STRBP: variants seen among roughly 807,000 people sequenced by gnomAD.
STRBP encodes spermatid perinuclear RNA-binding protein.
In STRBP, 13 loss-of-function variants were observed where a neutral mutation model predicts 80.1. That is an observed-to-expected ratio of 0.16 (90% CI 0.11 to 0.26). The LOEUF is 0.26. Among genes scored for constraint, STRBP ranks in the 10% least tolerant of loss-of-function variants. The probability of loss-of-function intolerance (pLI) is 1.00; values close to 1 mark genes in which losing one functional copy is unlikely to be tolerated. For synonymous variants in STRBP, 284 were observed against 291.2 expected, an observed-to-expected ratio of 0.98 and a Z score of 0.25; for missense variants, 485 against 815.2, an observed-to-expected ratio of 0.59 and a Z score of 4.93.
intron 2 of STRBP, among the ~76,000 whole-genome samples, chr9:123,210,874 T>C (rs1375419273): frequency 6.6e-6 from 1 of 151,510 alleles, no homozygotes; most frequent in Non-Finnish European, 1.5e-5. Context: ...TGAAATACCA[T>C]TTTACATCTA....
intron 2 of STRBP, among the ~76,000 whole-genome samples, chr9:123,227,238 G>A (rs2132569347): frequency 6.6e-6 from 1 of 152,324 alleles, no homozygotes; most frequent in Non-Finnish European, 1.5e-5. Flanking sequence ...TGTAGGAGGA[G>A]CAAGTTACAT....
downstream of STRBP, among the ~76,000 whole-genome samples, chr9:123,120,015 T>C (rs904099821): frequency 2.0e-5 from 3 of 152,212 alleles, no homozygotes. Context: ...GGATATCTAT[T>C]CTTACAACCA....
chr9:123,236,869 C>T lies in STRBP; in HGVS notation c.-204G>A, dbSNP rs1474367798. 2.0e-5 allele frequency: 3 copies of T among 152,252 alleles called. No individual in the cohort carries two copies. Among genetic ancestry groups the T allele is most frequent in the Admixed American group, 6.5e-5 (1 of 15,276 alleles). The allele number at this position is 152,252 out of a possible 1,614,324, so 9.4% of individuals were successfully genotyped here. On this transcript the variant is annotated 5_prime_UTR_variant, in exon 2 of 19. Transcript: ENST00000348403. ...ACAGTTGAGGCCAGGCACAGTGGCT[C>T]GTGCCTGTAATCCCAGCACCTTGGG... is the stretch of plus-strand genomic sequence containing the variant.
At chr9:123,159,817 T>C (rs1412531382) in intron 8 of STRBP, among the ~76,000 whole-genome samples, 1 of 152,218 alleles carries the variant, frequency 6.6e-6, no homozygotes, top group Non-Finnish European at 1.5e-5. Context: ...GCAGGCATAA[T>C]TTCCAAGTTA....
At chr9:123,216,704 T>C (rs1219313645) in intron 2 of STRBP, among the ~76,000 whole-genome samples, 2 of 152,228 alleles carry the variant, frequency 1.3e-5, no homozygotes, top group African/African-American at 4.8e-5. Context: ...TGCTACGATA[T>C]CATGTACAAT....
rs150285747 is a variant in STRBP at position 123,179,042 on chromosome 9, T to C, written c.189A>G (p.Glu63=). The C allele has an allele frequency of 1.4e-4, 227 of 1,614,134 alleles. No individual in the cohort carries two copies. The African/African-American group carries it at 2.6e-3, about 19-fold the overall frequency. Residue 63 remains glutamate (E), a synonymous_variant, in exon 4 of 19, where the codon GAA becomes GAG. Transcript: ENST00000348403. ...NKGTKTEGET[E]VKKDEAGENY... Reference sequence around the variant, plus strand: ...TTTCTCCGGCCTCATCTTTCTTCACTTCTGTCTCACCCTCTGTTTTTGTGC... The same window carrying C: ...TTTCTCCGGCCTCATCTTTCTTCACCTCTGTCTCACCCTCTGTTTTTGTGC...
chr9:123,194,970 T>C (rs1051622140), intron 2 of STRBP, among the ~76,000 whole-genome samples: 16 of 152,196 alleles, frequency 1.1e-4, no homozygotes, highest in African/African-American at 3.6e-4. Flanking sequence ...CCCTTGGCAA[T>C]GTTATCTAGG....
chr9:123,166,783 AACAACAAC>A (rs755170980), intron 6 of STRBP, among the ~76,000 whole-genome samples: 6,319 of 150,440 alleles, frequency 0.042, 318 homozygotes, highest in African/African-American at 0.12. Context: ...CAACAACAAC[AACAACAAC>A]AAAAAAACAA....
At position 123,173,693 on chromosome 9, in the gene STRBP, A is replaced by G; in HGVS notation, c.374T>C (p.Leu125Pro). The G allele has an allele frequency of 6.2e-7, 1 of 1,612,100 alleles. No individual in the cohort carries two copies. The change falls in exon 5 of 19, where the codon CTT (leucine) becomes CCT (proline). Residue 125 changes from leucine to proline, a missense_variant. Transcript: ENST00000348403. ...TGTACTCACCTGAATCTGAATAGGA[A>G]GATTATCTTTGACTGTATTTAACAG... Reference protein sequence around the residue: ...ETLLNTVKDNLPIQIQKLTEE... With the variant: ...ETLLNTVKDNPPIQIQKLTEE...
chr9:123,245,735 TGAGAATCA>T (rs1175884044), intron 1 of STRBP, among the ~76,000 whole-genome samples: 1 of 152,242 alleles, frequency 6.6e-6, no homozygotes, highest in East Asian at 1.9e-4. Context: ...CAATCAAGAA[TGAGAATCA>T]GTATCCTCCA....
chr9:123,115,645 G>A lies in STRBP; in HGVS notation c.*84+284C>T, dbSNP rs756244767. 8.1e-5 allele frequency: 27 copies of A among 335,388 alleles called. No individual in the cohort carries two copies. The highest frequency in any genetic ancestry group is 9.4e-5 in the Non-Finnish European group (16 of 170,240). 20.8% of individuals were successfully genotyped at this position (335,388 alleles called of 1,614,324 possible). A position where few individuals can be genotyped will look rare whatever the true frequency, so the allele number is the denominator to read the frequency against. On this transcript the variant is annotated intron_variant and NMD_transcript_variant, in intron 3 of 3. Transcript: ENST00000471564. The surrounding 1 kb of genome is among the most constrained non-coding windows in gnomAD (Gnocchi z 5.0). ...GAATGGTTTTTCTCAATAAATCTAC[G>A]TGCCCAAGAAGGGAGACATGGTCTT...
chr9:123,187,885 TTTACA>T (rs1415884301), intron 2 of STRBP, among the ~76,000 whole-genome samples: 1 of 152,052 alleles, frequency 6.6e-6, no homozygotes, highest in African/African-American at 2.4e-5. Context: ...AAGTTCATAG[TTTACA>T]TTAGGGTTCA....
At chr9:123,208,749 T>C (rs1190146840) in intron 2 of STRBP, among the ~76,000 whole-genome samples, 3 of 152,206 alleles carry the variant, frequency 2.0e-5, no homozygotes. Context: ...CACATACTTC[T>C]AGTATTTGTT....
intron 6 of STRBP, among the ~76,000 whole-genome samples, chr9:123,164,838 CA>C (rs899193493): frequency 6.6e-6 from 1 of 152,134 alleles, no homozygotes; most frequent in Admixed American, 6.5e-5. Flanking sequence ...ACTGTCCATG[CA>C]AAACACAGGC....
chr9:123,168,299 G>T, intron 6 of STRBP: 1 of 875,168 alleles, frequency 1.1e-6, no homozygotes, highest in East Asian at 1.2e-4. Flanking sequence ...GTTCTTCAGA[G>T]GTGCTATAGA....
At chr9:123,206,344 T>A (rs536345486) in intron 2 of STRBP, among the ~76,000 whole-genome samples, 8 of 152,286 alleles carry the variant, frequency 5.3e-5, no homozygotes, top group Admixed American at 4.6e-4. Flanking sequence ...ATATTTGACA[T>A]TTGGGGATTA....
At chr9:123,263,760 G>C (rs1028243265) in intron 1 of STRBP, among the ~76,000 whole-genome samples, 4 of 152,164 alleles carry the variant, frequency 2.6e-5, no homozygotes, top group Admixed American at 6.5e-5. Flanking sequence ...CAGTAAATCA[G>C]AACAAGGAAG....
chr9:123,163,388 TACAG>T (rs1325488856), intron 6 of STRBP, among the ~76,000 whole-genome samples: 2 of 152,190 alleles, frequency 1.3e-5, no homozygotes, highest in South Asian at 2.1e-4. Context: ...ACTGGCTTGC[TACAG>T]ACAGTCAACA....
At chr9:123,125,737 TA>T in intron 18 of STRBP, 64 bp from the exon 19 acceptor site, 2 of 1,305,748 alleles carry the variant, frequency 1.5e-6, no homozygotes, top group Admixed American at 2.0e-5. Context: ...AAATTTCAGG[TA>T]AAAAAATATC....
Sources: allele counts gnomAD v4.1 joint callset (sites outside exome capture counted in the v4.1 genomes callset), GRCh38; gene constraint gnomAD v4.1.1; non-coding constraint Gnocchi (gnomAD v3.1); transcripts MANE v1.5; gene names NCBI Gene and HGNC (gene_info 2026-07-23, HGNC 2026-07-21).